ORC4: variants seen among roughly 807,000 people sequenced by gnomAD.
ORC4 encodes origin recognition complex, subunit 4 homolog.
In ORC4, 55 loss-of-function variants were observed where a neutral mutation model predicts 63.9. The ratio of observed to expected loss-of-function variants is 0.86; its 90% confidence interval spans 0.69 to 1.08. The LOEUF is 1.08. Among genes scored for constraint, ORC4 ranks in the 50% least tolerant of loss-of-function variants. ORC4 has a pLI of 0.00. For synonymous variants in ORC4, 150 were observed against 168.5 expected, an observed-to-expected ratio of 0.89 and a Z score of 0.85; for missense variants, 511 against 504.4, an observed-to-expected ratio of 1.01 and a Z score of -0.13.
chr2:147,989,426 C>T (rs540460595), intron 1 of ORC4, among the ~76,000 whole-genome samples: 3 of 152,224 alleles, frequency 2.0e-5, no homozygotes, highest in Non-Finnish European at 2.9e-5. Context: ...CACTTTTCGG[C>T]TGGGCGCAGT....
At chr2:147,967,599 T>C (rs994079748) in intron 4 of ORC4, among the ~76,000 whole-genome samples, 1 of 151,076 alleles carries the variant, frequency 6.6e-6, no homozygotes, top group Non-Finnish European at 1.5e-5. Context: ...AGGTGAAAGG[T>C]ACAGTTTTGT....
chr2:148,011,407 T>G (rs1285066780), intron 1 of ORC4, among the ~76,000 whole-genome samples: 2 of 152,198 alleles, frequency 1.3e-5, no homozygotes, highest in Non-Finnish European at 2.9e-5. Flanking sequence ...AAAAAAATCT[T>G]TTTTGATAAA....
At chr2:147,938,419 TC>T in intron 11 of ORC4, 26 bp from the exon 12 acceptor site, 1 of 1,282,756 alleles carries the variant, frequency 7.8e-7, no homozygotes, top group Non-Finnish European at 1.1e-6. Context: ...AAAAAAACTA[TC>T]AGTTTAATGA....
At chr2:147,955,246 A>T (rs529538044) in intron 7 of ORC4, 101 bp downstream of exon 7, 1 of 748,526 alleles carries the variant, frequency 1.3e-6, no homozygotes, top group East Asian at 2.7e-5. Context: ...GTATTTTATG[A>T]GAGCTTTTTT....
chr2:147,977,985 C>G (rs1690663650), intron 1 of ORC4, among the ~76,000 whole-genome samples: 1 of 152,160 alleles, frequency 6.6e-6, no homozygotes, highest in African/African-American at 2.4e-5. Flanking sequence ...CCTTCAGGTC[C>G]TTAAGTTAGC....
intron 1 of ORC4, among the ~76,000 whole-genome samples, chr2:147,998,244 GA>G (rs34876081): frequency 0.59 from 89,291 of 151,968 alleles, 26,521 homozygotes; most frequent in Middle Eastern, 0.74. Context: ...CTTAATTCTT[GA>G]AAAAGTCTGA....
chr2:147,952,752 C>T (rs1236931378), intron 7 of ORC4, among the ~76,000 whole-genome samples: 1 of 152,154 alleles, frequency 6.6e-6, no homozygotes, highest in Non-Finnish European at 1.5e-5. Flanking sequence ...CTAGGCTGGG[C>T]GTGGTGGCTC....
chr2:147,960,849 G>A (rs73003478), intron 4 of ORC4, among the ~76,000 whole-genome samples: 2,534 of 152,230 alleles, frequency 0.017, 74 homozygotes, highest in African/African-American at 0.058. Context: ...TGATTGAGCC[G>A]CTGGGCGCCA....
chr2:147,989,238 T>G (rs934644607), intron 1 of ORC4, among the ~76,000 whole-genome samples: 1 of 152,016 alleles, frequency 6.6e-6, no homozygotes, highest in Non-Finnish European at 1.5e-5. Context: ...TACATTAAAA[T>G]AACAAACTAT....
chr2:147,946,548 A>G (rs1434326764), intron 9 of ORC4, among the ~76,000 whole-genome samples: 1 of 152,074 alleles, frequency 6.6e-6, no homozygotes, highest in Non-Finnish European at 1.5e-5. Context: ...TATAGATGGA[A>G]TCCTATAATT....
At chr2:147,935,733 G>A (rs1042291090) in intron 13 of ORC4, 35 bp from the exon 14 acceptor site, 1 of 1,560,952 alleles carries the variant, frequency 6.4e-7, no homozygotes, top group African/African-American at 1.4e-5. Context: ...GGTTGAATAG[G>A]AGAGGAGAGT....
At chr2:148,010,298 A>C (rs1306523649) in intron 1 of ORC4, among the ~76,000 whole-genome samples, 1 of 152,050 alleles carries the variant, frequency 6.6e-6, no homozygotes, top group Non-Finnish European at 1.5e-5. Flanking sequence ...GAAAAGCAAG[A>C]GCATGCCAAG....
chr2:147,956,997 T>C (rs1167664305), intron 6 of ORC4, among the ~76,000 whole-genome samples: 1 of 151,356 alleles, frequency 6.6e-6, no homozygotes, highest in Non-Finnish European at 1.5e-5. Context: ...GATTTATAGA[T>C]GGGGCATTTT....
At chr2:147,978,102 T>C (rs953206871) in intron 1 of ORC4, among the ~76,000 whole-genome samples, 4 of 152,004 alleles carry the variant, frequency 2.6e-5, no homozygotes, top group African/African-American at 9.7e-5. Context: ...GACAGCCCCA[T>C]CTCCCTCCAG....
chr2:147,954,426 T>A (rs1689134432), intron 7 of ORC4, among the ~76,000 whole-genome samples: 1 of 152,072 alleles, frequency 6.6e-6, no homozygotes, highest in Non-Finnish European at 1.5e-5. Flanking sequence ...TGGCATAGCC[T>A]ATTGCTCCTA....
At chr2:147,992,062 G>C (rs1433457769) in intron 1 of ORC4, among the ~76,000 whole-genome samples, 2 of 152,134 alleles carry the variant, frequency 1.3e-5, no homozygotes, top group African/African-American at 4.8e-5. Context: ...TCCTTTAGAA[G>C]CTTTGGAAAT....
chr2:147,987,740 A>C (rs1691306401), intron 1 of ORC4, among the ~76,000 whole-genome samples: 3 of 152,122 alleles, frequency 2.0e-5, no homozygotes, highest in Admixed American at 2.0e-4. Flanking sequence ...TGGCTGGTGC[A>C]AAATAACCCT....
At chr2:148,019,102 C>G (rs1693501699) in intron 1 of ORC4, among the ~76,000 whole-genome samples, 1 of 151,548 alleles carries the variant, frequency 6.6e-6, no homozygotes, top group African/African-American at 2.4e-5. Context: ...ACTATAAAGA[C>G]AGACAATTGG....
chr2:147,999,238 G>C (rs1306873514), intron 1 of ORC4, among the ~76,000 whole-genome samples: 1 of 152,026 alleles, frequency 6.6e-6, no homozygotes, highest in African/African-American at 2.4e-5. Context: ...TTCTACACAG[G>C]GTAAGACAGA....
Sources: gnomAD v4.1 joint callset for allele counts (sites outside exome capture counted in the v4.1 genomes callset) on GRCh38, gnomAD v4.1.1 for gene constraint, MANE v1.5 for transcripts, NCBI Gene and HGNC (gene_info 2026-07-23, HGNC 2026-07-21) for gene names.